Variants in UNC13A observed in about 807,000 individuals in gnomAD.
The protein encoded by UNC13A is protein unc-13 homolog A.
Under a neutral mutation model 219.7 loss-of-function variants are expected in UNC13A, and 61 were observed. The observed-to-expected ratio is 0.28, with a 90% CI of 0.23 to 0.34. UNC13A has a LOEUF of 0.34. Ranked by LOEUF, UNC13A falls within the 10% of genes least tolerant of loss-of-function variation. UNC13A has a pLI of 1.00. For synonymous variants in UNC13A, 920 were observed against 884.6 expected (o/e 1.04, Z -0.71); for missense variants, 1,476 against 2,270.3 (o/e 0.65, Z 7.11).
chr19:17,626,100 T>C (rs1449993839), intron 34 of UNC13A, among the ~76,000 whole-genome samples: 2 of 151,966 alleles, frequency 1.3e-5, no homozygotes, highest in African/African-American at 2.4e-5. Flanking sequence ...CATTTATGCA[T>C]CAAAACATTT....
At chr19:17,626,810 C>T in intron 33 of UNC13A, 25 bp from the exon 34 acceptor site, 1 of 1,598,008 alleles carries the variant, frequency 6.3e-7, no homozygotes. Context: ...GGGAAGGGCT[C>T]AGACCACAGG....
intron 9 of UNC13A, among the ~76,000 whole-genome samples, chr19:17,656,636 G>A (rs1263020719): frequency 6.6e-6 from 1 of 152,166 alleles, no homozygotes; most frequent in Non-Finnish European, 1.5e-5. Flanking sequence ...CAGATCACCT[G>A]AGGTCAGGAG....
chr19:17,678,031 T>C (rs2079932310), intron 1 of UNC13A, among the ~76,000 whole-genome samples: 2 of 152,196 alleles, frequency 1.3e-5, no homozygotes, highest in Admixed American at 1.3e-4. Context: ...ATTGTGTTTC[T>C]ATGGGCAGAT....
intron 1 of UNC13A, among the ~76,000 whole-genome samples, chr19:17,682,719 C>T (rs533436879): frequency 6.6e-6 from 1 of 152,030 alleles, no homozygotes; most frequent in Non-Finnish European, 1.5e-5. Flanking sequence ...GGAATAGCCC[C>T]GATGAATGGA....
At position 17,659,444 on chromosome 19, in the gene UNC13A, A is replaced by AAAAAT. The variant is rs1230281592; in HGVS notation, c.560-1180_560-1176dup. 8.6e-5 allele frequency among the ~76,000 whole-genome samples: 13 copies of AAAAAT among 151,934 alleles called. No individual in the cohort carries two copies. The East Asian group carries it at 2.1e-3, about 25-fold the overall frequency. On this transcript the variant is annotated intron_variant, in intron 8 of 43. Coordinates refer to ENST00000519716, the MANE Select transcript of UNC13A (RefSeq NM_001080421.3). The stretch of plus-strand genomic sequence containing the variant: ...TGGGTGACACAAGACCCTGTCTCCA[A>AAAAAT]AAAATAAAATAAAATAAAAGTAAAG...
At position 17,607,421 on chromosome 19, in the gene UNC13A, C is replaced by G. The variant is rs1410363086; in HGVS notation, c.4812-1067G>C. On this transcript the variant is annotated intron_variant, in intron 43 of 43. Coordinates refer to ENST00000519716, the MANE Select transcript of UNC13A (RefSeq NM_001080421.3). ...GGATTACAGGCATGCACCACCACACCGGGCTGATTTTTTGTGTTTTTAGTA... is the reference window on the plus strand; with the variant it reads ...GGATTACAGGCATGCACCACCACACGGGGCTGATTTTTTGTGTTTTTAGTA... Among the ~76,000 whole-genome samples, 6 of 111,536 alleles carry G rather than the reference C, an allele frequency of 5.4e-5. No individual in the cohort carries two copies. In the Admixed American group the frequency reaches 7.4e-4, roughly 14 times the overall value. 73.2% of individuals were successfully genotyped at this position (111,536 alleles called of 152,430 possible).
intron 8 of UNC13A, among the ~76,000 whole-genome samples, chr19:17,661,757 G>A (rs560742075): frequency 6.6e-6 from 1 of 152,206 alleles, no homozygotes; most frequent in East Asian, 1.9e-4. Context: ...AGAAGAGGCG[G>A]GGTATGGGAG....
At chr19:17,608,397 T>C (rs940112443) in intron 43 of UNC13A, among the ~76,000 whole-genome samples, 4 of 124,406 alleles carry the variant, frequency 3.2e-5, no homozygotes, top group African/African-American at 9.1e-5. Flanking sequence ...TATATATATT[T>C]ATATATAATA....
In UNC13A at chr19:17,624,813, C is replaced by T. The variant is rs1352582770; in HGVS notation, c.4197+16G>A. ...AGGTGGCCTAAATGTCCCCTCGGGCCCCCTGCAGGTCTCACCGTCTGGTCA... is the reference window on the plus strand; with the variant it reads ...AGGTGGCCTAAATGTCCCCTCGGGCTCCCTGCAGGTCTCACCGTCTGGTCA... On this transcript the variant is annotated intron_variant, in intron 35 of 43. Coordinates refer to ENST00000519716, the MANE Select transcript of UNC13A (RefSeq NM_001080421.3). 10 of 1,607,590 alleles carry T rather than the reference C, an allele frequency of 6.2e-6. No individual in the cohort carries two copies. The highest frequency in any genetic ancestry group is 1.3e-5 in the African/African-American group (1 of 74,738).
chr19:17,615,155 A>G (rs1482041583), intron 41 of UNC13A, among the ~76,000 whole-genome samples: 1 of 152,136 alleles, frequency 6.6e-6, no homozygotes, highest in African/African-American at 2.4e-5. Context: ...GGAATGATGT[A>G]CCCCTCGTGG....
At position 17,674,502 on chromosome 19, in the gene UNC13A, G is replaced by A. The variant is rs1403585194; in HGVS notation, c.152+155C>T. Among the ~76,000 whole-genome samples the A allele has an allele frequency of 6.6e-6, 1 of 152,172 alleles. No individual in the cohort carries two copies. The highest frequency in any genetic ancestry group is 2.4e-5 in the African/African-American group (1 of 41,436). On this transcript the variant is annotated intron_variant, in intron 3 of 43. Coordinates refer to ENST00000519716, the MANE Select transcript of UNC13A (RefSeq NM_001080421.3). This position sits in a 1 kb window ranked among gnomAD's most constrained non-coding sequence, Gnocchi z 5.0. ...CAAGGGAAGTGATTGGATTGGGGAT[G>A]TGTTTTGGAGGTGAAGGTGATAAGG...
chr19:17,638,660 T>G (rs2076936029), intron 25 of UNC13A, among the ~76,000 whole-genome samples: 1 of 151,646 alleles, frequency 6.6e-6, no homozygotes, highest in Non-Finnish European at 1.5e-5. Flanking sequence ...AAACCCCGTT[T>G]TTACTAAAAA....
chr19:17,601,524 G>A lies in UNC13A; in HGVS notation c.*4530C>T, dbSNP rs1253862636. The A allele has an allele frequency of 6.6e-6, 1 of 152,552 alleles. No homozygotes were observed. The highest frequency in any genetic ancestry group is 2.4e-5 in the African/African-American group (1 of 41,442). 9.4% of individuals were successfully genotyped at this position (152,552 alleles called of 1,614,324 possible). The stretch of plus-strand genomic sequence containing the variant: ...CGTCTGTGCAGACACTGGACCGACG[G>A]GGTAGAATCAAAACAAAACAAAAAA... On this transcript the variant is annotated 3_prime_UTR_variant, in exon 44 of 44. Coordinates refer to ENST00000519716, the MANE Select transcript of UNC13A (RefSeq NM_001080421.3).
Position 17,627,157 on chromosome 19 carries a change from T to C in UNC13A, c.3920+352A>G, listed in dbSNP as rs2144987043. ...CTCCAGCCTGGTGACAGAACGAGACTTCGTCTCAAAAAAAAAAAAAGAGTG... is the reference window on the plus strand; with the variant it reads ...CTCCAGCCTGGTGACAGAACGAGACCTCGTCTCAAAAAAAAAAAAAGAGTG... On this transcript the variant is annotated intron_variant, in intron 33 of 43. Transcript: ENST00000519716. The surrounding 1 kb of genome is among the most constrained non-coding windows in gnomAD (Gnocchi z 4.7). Among the ~76,000 whole-genome samples, 1 of 147,648 alleles carries C rather than the reference T, an allele frequency of 6.8e-6. No individual in the cohort carries two copies. Among genetic ancestry groups the C allele is most frequent in the African/African-American group, 2.4e-5 (1 of 40,918 alleles).
At chr19:17,607,471 G>GGGC (rs34351813) in intron 43 of UNC13A, among the ~76,000 whole-genome samples, 1 of 132,266 alleles carries the variant, frequency 7.6e-6, no homozygotes, top group South Asian at 2.9e-4. Context: ...GGGGGGGGGG[G>GGGC]TCTCACCATG....
chr19:17,628,470 A>AAC (rs140529898), intron 31 of UNC13A: 35 of 169,922 alleles, frequency 2.1e-4, no homozygotes, highest in African/African-American at 3.4e-4. Flanking sequence ...GACGTGCACA[A>AAC]ACACACACAC....
At chr19:17,617,670 G>T (rs776704681) in intron 41 of UNC13A, 32 bp downstream of exon 41, 8 of 1,605,416 alleles carry the variant, frequency 5.0e-6, no homozygotes, top group Non-Finnish European at 6.8e-6. Context: ...TCCGCGGAGC[G>T]GGAAAGGGTG....
chr19:17,608,208 A>T (rs1391085411), intron 43 of UNC13A, among the ~76,000 whole-genome samples: 1 of 144,510 alleles, frequency 6.9e-6, no homozygotes, highest in Non-Finnish European at 1.5e-5. Flanking sequence ...CACAACACAC[A>T]GCTAATATTT....
intron 9 of UNC13A, among the ~76,000 whole-genome samples, chr19:17,657,728 G>A (rs373519409): frequency 6.6e-6 from 1 of 151,988 alleles, no homozygotes; most frequent in South Asian, 2.1e-4. Context: ...AATTAGCTTG[G>A]TGTGGCGGCC....
Sources: gnomAD v4.1 joint callset for allele counts (sites outside exome capture counted in the v4.1 genomes callset) on GRCh38, gnomAD v4.1.1 for gene constraint, Gnocchi (gnomAD v3.1) non-coding constraint, MANE v1.5 for transcripts, NCBI Gene and HGNC (gene_info 2026-07-23, HGNC 2026-07-21) for gene names.